The following SLC22A2 variants were observed in gnomAD, a reference collection of about 807,000 sequenced individuals.
SLC22A2 encodes the protein organic cation transporter 2.
A neutral mutation model predicts 60.5 loss-of-function variants in SLC22A2; 46 were observed. The observed-to-expected ratio is 0.76, with a 90% CI of 0.60 to 0.97. The LOEUF is 0.97. SLC22A2 is among the 50% of genes least tolerant of loss of function. SLC22A2 has a pLI of 0.00. For synonymous variants in SLC22A2, 303 were observed against 267.0 expected (o/e 1.13, Z -1.31); for missense variants, 701 against 706.6 (o/e 0.99, Z 0.09).
At chr6:160,220,973 T>C (rs907034537) in intron 10 of SLC22A2, among the ~76,000 whole-genome samples, 1 of 152,206 alleles carries the variant, frequency 6.6e-6, no homozygotes, top group African/African-American at 2.4e-5. Flanking sequence ...GGCTTCACCT[T>C]CTAGTCACCA....
At chr6:160,253,585 A>G (rs373049517) in intron 2 of SLC22A2, among the ~76,000 whole-genome samples, 3 of 152,174 alleles carry the variant, frequency 2.0e-5, no homozygotes, top group African/African-American at 7.2e-5. Context: ...CACAACACAT[A>G]AAAGTAGGGT....
chr6:160,229,136 A>T (rs1017242403), intron 9 of SLC22A2, among the ~76,000 whole-genome samples: 1 of 151,762 alleles, frequency 6.6e-6, no homozygotes, highest in Non-Finnish European at 1.5e-5. Context: ...AGAAAGATCC[A>T]CCTATGACCT....
At chr6:160,244,269 G>GAA (rs1783057586) in intron 6 of SLC22A2, 1 of 156,018 alleles carries the variant, frequency 6.4e-6, no homozygotes, top group African/African-American at 2.4e-5. Flanking sequence ...AGTAGACATG[G>GAA]GGTTTTGCCA....
intron 9 of SLC22A2, among the ~76,000 whole-genome samples, chr6:160,234,655 T>C (rs1367745634): frequency 1.3e-5 from 2 of 152,246 alleles, no homozygotes; most frequent in Non-Finnish European, 2.9e-5. Flanking sequence ...TTCTTTCTCT[T>C]GGTTTCCACC....
chr6:160,256,503 T>C (rs1783273746), intron 2 of SLC22A2, 111 bp downstream of exon 2: 1 of 722,600 alleles, frequency 1.4e-6, no homozygotes, highest in Non-Finnish European at 2.5e-6. Flanking sequence ...GGCCAGGAGA[T>C]TGTGGTCTGT....
chr6:160,237,431 A>G (rs1782927852), intron 9 of SLC22A2, among the ~76,000 whole-genome samples: 1 of 152,134 alleles, frequency 6.6e-6, no homozygotes, highest in African/African-American at 2.4e-5. Flanking sequence ...TCTTAAATTA[A>G]ACTCTTATTA....
At chr6:160,256,586 A>T in intron 2 of SLC22A2, 28 bp downstream of exon 2, 1 of 1,516,614 alleles carries the variant, frequency 6.6e-7, no homozygotes, top group Non-Finnish European at 9.2e-7. Context: ...GGGATTGTTT[A>T]AATTCCACCA....
At chr6:160,232,486 C>G (rs1782840406) in intron 9 of SLC22A2, among the ~76,000 whole-genome samples, 1 of 151,818 alleles carries the variant, frequency 6.6e-6, no homozygotes, top group South Asian at 2.1e-4. Flanking sequence ...AATACTGACT[C>G]TAAATATGCC....
At chr6:160,226,541 C>T (rs1379795033) in intron 9 of SLC22A2, among the ~76,000 whole-genome samples, 2 of 152,134 alleles carry the variant, frequency 1.3e-5, no homozygotes, top group African/African-American at 2.4e-5. Context: ...GTAACCAATC[C>T]CATTATTTGT....
chr6:160,253,027 G>A lies in SLC22A2; in HGVS notation c.519-2325C>T, dbSNP rs528188598. 1.3e-3 allele frequency among the ~76,000 whole-genome samples: 203 copies of A among 152,292 alleles called. 1 individual carries two copies. The highest frequency in any genetic ancestry group is 0.01 in the Middle Eastern group (3 of 294). On this transcript the variant is annotated intron_variant, in intron 2 of 10. Coordinates refer to ENST00000366953, the MANE Select transcript of SLC22A2 (RefSeq NM_003058.4). The stretch of plus-strand genomic sequence containing the variant: ...CTGGGACTTTAGTTCTGCTTTTGAT[G>A]CAGGACAGGCAAGCACCAAAATTGG...
At position 160,243,744 on chromosome 6, in the gene SLC22A2, C is replaced by A; in HGVS notation, c.1107G>T (p.Met369Ile). The A allele has an allele frequency of 6.2e-7, 1 of 1,614,002 alleles. No individual in the cohort carries two copies. Among genetic ancestry groups the A allele is most frequent in the Non-Finnish European group, 8.5e-7 (1 of 1,179,970 alleles). The change falls in exon 7 of 11, where the codon ATG becomes ATT. Residue 369 changes from methionine to isoleucine, a missense_variant. Physicochemically the swap from Met to Ile is conservative, Grantham distance 10. Coordinates refer to ENST00000366953, the MANE Select transcript of SLC22A2 (RefSeq NM_003058.4). ...GGTAGATATTGTCACCTGCAAGGCC[C>A]ATGTGCATGATGAGGCCCTGGTAGA... Reference protein sequence around the residue: ...SVLYQGLIMHMGLAGDNIYLD... With the variant: ...SVLYQGLIMHIGLAGDNIYLD...
At chr6:160,225,043 T>C (rs939023217) in intron 9 of SLC22A2, among the ~76,000 whole-genome samples, 8 of 152,166 alleles carry the variant, frequency 5.3e-5, no homozygotes, top group African/African-American at 1.9e-4. Flanking sequence ...GTCAAGGTTA[T>C]TCTAGGGTAG....
chr6:160,257,353 G>A (rs1456371102), intron 1 of SLC22A2, among the ~76,000 whole-genome samples: 2 of 152,186 alleles, frequency 1.3e-5, no homozygotes, highest in Non-Finnish European at 2.9e-5. Flanking sequence ...AATAAGAGGA[G>A]GTGGTCGGGT....
intron 10 of SLC22A2, among the ~76,000 whole-genome samples, chr6:160,219,865 A>C (rs1301774921): frequency 6.6e-6 from 1 of 152,180 alleles, no homozygotes; most frequent in African/African-American, 2.4e-5. Flanking sequence ...TGTAATTTAA[A>C]AATACTTTAT....
intron 1 of SLC22A2, among the ~76,000 whole-genome samples, chr6:160,257,433 G>A (rs1183283921): frequency 2.6e-5 from 4 of 152,064 alleles, no homozygotes; most frequent in Non-Finnish European, 5.9e-5. Flanking sequence ...TTCACTGTGT[G>A]GCCTGGGGAA....
intron 8 of SLC22A2, among the ~76,000 whole-genome samples, 158 bp from the exon 9 acceptor site, chr6:160,241,744 C>A (rs1297210746): frequency 6.6e-6 from 1 of 151,944 alleles, no homozygotes; most frequent in Non-Finnish European, 1.5e-5. Context: ...TCAGAAATCA[C>A]CACTGAAGAA....
chr6:160,226,660 C>T (rs1457201894), intron 9 of SLC22A2, among the ~76,000 whole-genome samples: 1 of 152,168 alleles, frequency 6.6e-6, no homozygotes, highest in Non-Finnish European at 1.5e-5. Flanking sequence ...CAGGAGGCTG[C>T]CTGATTCTCG....
intron 4 of SLC22A2, 53 bp downstream of exon 4, chr6:160,249,163 T>G (rs1460568865): frequency 1.3e-5 from 17 of 1,311,432 alleles, no homozygotes; most frequent in Non-Finnish European, 1.6e-5. Context: ...GGCAGACTTC[T>G]TAGCAGAATA....
At chr6:160,238,997 TAGGAG>T (rs746155864) in intron 9 of SLC22A2, among the ~76,000 whole-genome samples, 1 of 151,952 alleles carries the variant, frequency 6.6e-6, no homozygotes, top group African/African-American at 2.4e-5. Flanking sequence ...CACAGGATGA[TAGGAG>T]GTCAGCAAAA....
Sources: allele counts gnomAD v4.1 joint callset (sites outside exome capture counted in the v4.1 genomes callset), GRCh38; gene constraint gnomAD v4.1.1; transcripts MANE v1.5; gene names NCBI Gene and HGNC (gene_info 2026-07-23, HGNC 2026-07-21).